CPB1: variants seen among roughly 807,000 people sequenced by gnomAD.
CPB1 encodes the protein carboxypeptidase B.
CPB1 carries 53 observed loss-of-function variants against 51.4 expected under a neutral mutation model. The observed-to-expected ratio is 1.03, with a 90% CI of 0.83 to 1.30. CPB1 has a LOEUF of 1.30. Among genes scored for constraint, CPB1 ranks in the 50% most tolerant of loss-of-function variants. CPB1 has a pLI of 0.00. For missense variants in CPB1, 494 were observed against 516.2 expected (o/e 0.96, Z 0.42); for synonymous variants, 189 against 186.9 (o/e 1.01, Z -0.09).
In CPB1 at chr3:148,845,562, A is replaced by G; in HGVS notation, c.917A>G (p.Tyr306Cys). The part of the protein sequence containing the change: ...SIKAYLTIHS[Y>C]SQMMIYPYSY... ...AAGGCATATCTGACAATCCACTCGT[A>G]CTCCCAAATGATGATCTACCCTTAC... The change falls in exon 9 of 11, where the codon TAC becomes TGC. Residue 306 changes from tyrosine (Y) to cysteine (C), a missense_variant. By Grantham distance (194) the Tyr-to-Cys change is radical (BLOSUM62 -2). Coordinates refer to ENST00000282957, the MANE Select transcript of CPB1 (RefSeq NM_001871.3). 6.2e-7 allele frequency: 1 copy of G among 1,613,912 alleles called. No individual in the cohort carries two copies.
At chr3:148,845,398 G>C (rs934969855) in intron 8 of CPB1, 26 bp from the exon 9 acceptor site, 4 of 1,605,262 alleles carry the variant, frequency 2.5e-6, no homozygotes, top group Non-Finnish European at 3.4e-6. Flanking sequence ...GGTGATCCTT[G>C]CCATTAACAT....
At chr3:148,859,717 G>T in intron 10 of CPB1, 98 bp from the exon 11 acceptor site, 2 of 1,217,790 alleles carry the variant, frequency 1.6e-6, no homozygotes, top group Non-Finnish European at 2.3e-6. Context: ...AAAATATTTT[G>T]CACAGTGAAA....
At chr3:148,836,862 T>A (rs1023873687) in intron 3 of CPB1, among the ~76,000 whole-genome samples, 1 of 152,102 alleles carries the variant, frequency 6.6e-6, no homozygotes, top group Non-Finnish European at 1.5e-5. Flanking sequence ...CTGGCAAAAA[T>A]TTGCAGTAGT....
chr3:148,859,068 T>A (rs1291593047), intron 10 of CPB1, among the ~76,000 whole-genome samples: 1 of 152,206 alleles, frequency 6.6e-6, no homozygotes, highest in Non-Finnish European at 1.5e-5. Context: ...CCCACCTATT[T>A]ATATATGGTG....
At chr3:148,848,755 A>G (rs1043377090) in intron 9 of CPB1, among the ~76,000 whole-genome samples, 3 of 152,228 alleles carry the variant, frequency 2.0e-5, no homozygotes, top group Admixed American at 6.5e-5. Flanking sequence ...AAAGGCAGAG[A>G]TAAGAATGCA....
At chr3:148,841,732 G>C (rs1447717373) in intron 5 of CPB1, 91 bp from the exon 6 acceptor site, 2 of 899,682 alleles carry the variant, frequency 2.2e-6, no homozygotes, top group Non-Finnish European at 3.6e-6. Flanking sequence ...GGTTTCACTT[G>C]TTGAGTCTCA....
intron 9 of CPB1, chr3:148,856,301 T>C (rs149663415): frequency 1.2e-4 from 18 of 152,348 alleles, no homozygotes; most frequent in African/African-American, 3.8e-4. Flanking sequence ...AGTTTTCTAA[T>C]TTACCACCTG....
At chr3:148,839,860 T>C (rs1713025195) in intron 3 of CPB1, among the ~76,000 whole-genome samples, 1 of 152,148 alleles carries the variant, frequency 6.6e-6, no homozygotes, top group Admixed American at 6.6e-5. Flanking sequence ...TGATCAAGGA[T>C]ACTAATGATC....
At chr3:148,829,972 GC>G (rs1712684907) in intron 2 of CPB1, among the ~76,000 whole-genome samples, 1 of 152,152 alleles carries the variant, frequency 6.6e-6, no homozygotes, top group African/African-American at 2.4e-5. Context: ...TTCATCAAAT[GC>G]TTTACTAAGA....
At chr3:148,845,813 C>T (rs745429480) in intron 9 of CPB1, among the ~76,000 whole-genome samples, 187 bp downstream of exon 9, 22 of 152,118 alleles carry the variant, frequency 1.4e-4, no homozygotes, top group Non-Finnish European at 2.9e-4. Flanking sequence ...ACAATTTTCA[C>T]GCAGGAAATT....
At chr3:148,835,271 A>G (rs1401877934) in intron 3 of CPB1, among the ~76,000 whole-genome samples, 1 of 152,208 alleles carries the variant, frequency 6.6e-6, no homozygotes, top group Non-Finnish European at 1.5e-5. Flanking sequence ...GATCCAACAA[A>G]TCAATATTGA....
At chr3:148,832,402 C>T (rs773943132) in intron 2 of CPB1, among the ~76,000 whole-genome samples, 1 of 151,932 alleles carries the variant, frequency 6.6e-6, no homozygotes, top group Non-Finnish European at 1.5e-5. Context: ...GCATTTAATG[C>T]TTTGAGTGGA....
Position 148,859,816 on chromosome 3 carries a change from T to A in CPB1, c.1068T>A (p.Tyr356Ter), listed in dbSNP as rs766316546. The A allele has an allele frequency of 1.2e-6, 2 of 1,611,872 alleles. No individual in the cohort carries two copies. Among genetic ancestry groups the A allele is most frequent in the South Asian group, 2.2e-5 (2 of 90,624 alleles). The part of the protein sequence containing the change: ...YTYGPGATTI[Y>*]PAAGGSDDWA... The stretch of plus-strand genomic sequence containing the variant: ...TTCACTGCTGTTTGCACATTTCAGA[T>A]CCTGCTGCTGGGGGCTCTGACGACT... Residue 356 changes from tyrosine (Y) to a stop codon, truncating the protein, a stop_gained and splice_region_variant, in exon 11 of 11, where the codon TAT becomes TAA. Transcript: ENST00000282957. LOFTEE classifies it high-confidence loss of function.
At position 148,827,835 on chromosome 3, in the gene CPB1, C is replaced by G. The variant is rs1309394127; in HGVS notation, c.12C>G (p.Leu4=). Residue 4 remains leucine, a synonymous_variant, in exon 1 of 11, where the codon CTC becomes CTG. Transcript: ENST00000282957. ...CCTGGTCAGACACAATGTTGGCACT[C>G]TTGGTTCTGGTGACTGTGGCCCTGG... MLA[L]LVLVTVALAS... is the part of the protein sequence containing the mutation. 1.9e-6 allele frequency: 3 copies of G among 1,614,156 alleles called. No homozygotes were observed. In the South Asian group the frequency reaches 3.3e-5, roughly 18 times the overall value.
Position 148,859,917 on chromosome 3 carries a change from C to G in CPB1, c.1169C>G (p.Pro390Arg), listed in dbSNP as rs1559963386. Residue 390 changes from proline (P) to arginine (R), a missense_variant, in exon 11 of 11, where the codon CCA (proline) becomes CGA (arginine). By Grantham distance (103) the Pro-to-Arg change is moderately radical (BLOSUM62 -2). Transcript: ENST00000282957. Reference protein sequence around the residue: ...RDTGRYGFLLPESQIRATCEE... With the variant: ...RDTGRYGFLLRESQIRATCEE... ...ACAGGCAGATATGGCTTTCTCCTTC[C>G]AGAATCCCAGATCCGGGCTACCTGC... 2 of 1,614,144 alleles carry G rather than the reference C, an allele frequency of 1.2e-6. No homozygotes were observed. The highest frequency in any genetic ancestry group is 2.7e-5 in the African/African-American group (2 of 75,032).
intron 8 of CPB1, 148 bp from the exon 9 acceptor site, chr3:148,845,276 A>G: frequency 3.4e-6 from 2 of 596,384 alleles, no homozygotes; most frequent in Non-Finnish European, 5.8e-6. Flanking sequence ...TGGATATTTT[A>G]CTATATAATA....
chr3:148,828,485 T>C (rs1712638182), intron 2 of CPB1, among the ~76,000 whole-genome samples: 1 of 152,238 alleles, frequency 6.6e-6, no homozygotes, highest in South Asian at 2.1e-4. Flanking sequence ...TTTGATTTTC[T>C]TTCATTCCAA....
chr3:148,836,502 T>C (rs535059331), intron 3 of CPB1, among the ~76,000 whole-genome samples: 1 of 152,212 alleles, frequency 6.6e-6, no homozygotes, highest in Non-Finnish European at 1.5e-5. Context: ...GTCTTAATTC[T>C]ACCCTTATCA....
intron 2 of CPB1, among the ~76,000 whole-genome samples, chr3:148,828,335 C>G (rs375684616): frequency 5.9e-5 from 9 of 152,048 alleles, no homozygotes; most frequent in Admixed American, 3.3e-4. Context: ...GCAACTGTCA[C>G]GAAGGTCACA....
Sources: allele counts gnomAD v4.1 joint callset (sites outside exome capture counted in the v4.1 genomes callset), GRCh38; gene constraint gnomAD v4.1.1; transcripts MANE v1.5; gene names NCBI Gene and HGNC (gene_info 2026-07-23, HGNC 2026-07-21).